NRG1: variants seen among roughly 807,000 people sequenced by gnomAD.
NRG1 encodes the protein neuregulin 1.
NRG1 carries 18 observed loss-of-function variants against 63.8 expected under a neutral mutation model. The ratio of observed to expected loss-of-function variants is 0.28; its 90% confidence interval spans 0.19 to 0.42. NRG1 has a LOEUF of 0.42. Ranked by LOEUF, NRG1 falls within the 10% of genes least tolerant of loss-of-function variation. NRG1 has a pLI of 1.00. For missense variants in NRG1, 762 were observed against 814.7 expected (o/e 0.94, Z 0.79); for synonymous variants, 302 against 301.3 (o/e 1.00, Z -0.02).
At chr8:31,831,043 A>G (rs1825104392) in intron 1 of NRG1, among the ~76,000 whole-genome samples, 1 of 151,970 alleles carries the variant, frequency 6.6e-6, no homozygotes, top group Non-Finnish European at 1.5e-5. Context: ...AACTAATTAA[A>G]TGTCCTCTCT....
chr8:32,751,115 T>G (rs537806985), intron 7 of NRG1: 1 of 152,314 alleles, frequency 6.6e-6, no homozygotes, highest in East Asian at 1.9e-4. Context: ...AGATCTTCTA[T>G]GGGTTAGAAA....
chr8:32,154,025 A>G (rs563972362), intron 1 of NRG1, among the ~76,000 whole-genome samples: 1 of 152,284 alleles, frequency 6.6e-6, no homozygotes, highest in African/African-American at 2.4e-5. Context: ...TAACAGGCAG[A>G]TTCTTTGGTG....
chr8:31,699,690 T>C (rs971141477), intron 1 of NRG1, among the ~76,000 whole-genome samples: 2 of 146,276 alleles, frequency 1.4e-5, no homozygotes, highest in African/African-American at 2.5e-5. Flanking sequence ...AGGTATTTTA[T>C]GCTTTTTTCC....
chr8:32,065,369 A>G (rs2130955128), intron 1 of NRG1, among the ~76,000 whole-genome samples: 1 of 152,100 alleles, frequency 6.6e-6, no homozygotes, highest in East Asian at 1.9e-4. Flanking sequence ...CCACCCCACA[A>G]CAGGCCCCAG....
chr8:32,381,882 A>G (rs916379681), intron 1 of NRG1, among the ~76,000 whole-genome samples: 1 of 152,228 alleles, frequency 6.6e-6, no homozygotes, highest in African/African-American at 2.4e-5. Context: ...TAAAACTGAA[A>G]GTAAATATAG....
chr8:31,980,208 A>T (rs1808853160), intron 1 of NRG1, among the ~76,000 whole-genome samples: 1 of 152,028 alleles, frequency 6.6e-6, no homozygotes, highest in Admixed American at 6.6e-5. Context: ...CTGCTAATTG[A>T]TGTAAGAAAC....
At chr8:31,699,325 C>T (rs949687903) in intron 1 of NRG1, among the ~76,000 whole-genome samples, 1 of 152,164 alleles carries the variant, frequency 6.6e-6, no homozygotes, top group Non-Finnish European at 1.5e-5. Context: ...TTTTAAATCA[C>T]TGGCCCAACA....
intron 1 of NRG1, among the ~76,000 whole-genome samples, chr8:32,291,570 G>A (rs549354632): frequency 3.9e-4 from 45 of 116,246 alleles, no homozygotes; most frequent in Non-Finnish European, 6.6e-4. Flanking sequence ...ACAGAGTCTC[G>A]CTGTGTTGCC....
At chr8:32,662,857 A>C (rs1268411410) in intron 5 of NRG1, among the ~76,000 whole-genome samples, 1 of 152,194 alleles carries the variant, frequency 6.6e-6, no homozygotes, top group South Asian at 2.1e-4. Context: ...ATAGGTGCCA[A>C]ATAAATCAAG....
chr8:32,461,701 A>G (rs1348745927), intron 1 of NRG1, among the ~76,000 whole-genome samples: 1 of 152,218 alleles, frequency 6.6e-6, no homozygotes, highest in Non-Finnish European at 1.5e-5. Context: ...TCCAAAAAAA[A>G]GAAAAGAAAT....
chr8:32,014,984 G>A (rs1434150828), intron 1 of NRG1, among the ~76,000 whole-genome samples: 3 of 152,022 alleles, frequency 2.0e-5, no homozygotes, highest in African/African-American at 4.8e-5. Context: ...CAGGAGAGAG[G>A]CCTGAACAGA....
At chr8:32,684,235 T>A (rs1213976431) in intron 5 of NRG1, among the ~76,000 whole-genome samples, 3 of 152,172 alleles carry the variant, frequency 2.0e-5, no homozygotes, top group Non-Finnish European at 4.4e-5. Flanking sequence ...GAAGGTACAT[T>A]ACCATTTTAA....
At chr8:31,639,610 C>A in intron 1 of NRG1, 3 of 1,404,526 alleles carry the variant, frequency 2.1e-6, no homozygotes, top group South Asian at 1.5e-5. Flanking sequence ...CGGAGCAGCT[C>A]CTCCACCTCC....
intron 1 of NRG1, among the ~76,000 whole-genome samples, chr8:32,111,313 C>CT (rs1425080315): frequency 6.6e-6 from 1 of 152,086 alleles, no homozygotes; most frequent in African/African-American, 2.4e-5. Flanking sequence ...GACGGGGTTT[C>CT]ACTATGTTGG....
At chr8:32,495,169 G>C (rs973515618) in intron 1 of NRG1, among the ~76,000 whole-genome samples, 1 of 152,280 alleles carries the variant, frequency 6.6e-6, no homozygotes, top group Middle Eastern at 3.4e-3. Context: ...ATCTCATCTT[G>C]AACTGTAGCT....
chr8:31,688,829 CA>C (rs1392616307), intron 1 of NRG1, among the ~76,000 whole-genome samples: 2 of 152,186 alleles, frequency 1.3e-5, no homozygotes, highest in Non-Finnish European at 2.9e-5. Context: ...AATTATCACA[CA>C]TTTGGCTTAA....
intron 2 of NRG1, among the ~76,000 whole-genome samples, chr8:32,602,588 A>G (rs1844570929): frequency 6.6e-6 from 1 of 152,102 alleles, no homozygotes; most frequent in South Asian, 2.1e-4. Context: ...CTTATCTCAG[A>G]ATTTGGGGAC....
intron 1 of NRG1, among the ~76,000 whole-genome samples, chr8:31,706,827 G>A (rs985057270): frequency 6.6e-6 from 1 of 151,958 alleles, no homozygotes; most frequent in African/African-American, 2.4e-5. Context: ...TTTGAGTGAT[G>A]TTCCTCTATA....
chr8:31,853,373 A>G (rs1217637181), intron 1 of NRG1, among the ~76,000 whole-genome samples: 28 of 150,472 alleles, frequency 1.9e-4, no homozygotes, highest in Non-Finnish European at 3.6e-4. Context: ...CTTTGAAGCA[A>G]TTGTGAATGG....
Sources: allele counts gnomAD v4.1 joint callset (sites outside exome capture counted in the v4.1 genomes callset), GRCh38; gene constraint gnomAD v4.1.1; transcripts MANE v1.5; gene names NCBI Gene and HGNC (gene_info 2026-07-23, HGNC 2026-07-21).